The following PDE4D variants were observed in gnomAD, a reference collection of about 807,000 sequenced individuals.
PDE4D encodes the protein phosphodiesterase 4D, also known as 3',5'-cyclic-AMP phosphodiesterase 4D.
A neutral mutation model predicts 87.4 loss-of-function variants in PDE4D; 24 were observed. That is an observed-to-expected ratio of 0.27 (90% confidence interval 0.20 to 0.39). The LOEUF (loss-of-function observed/expected upper bound fraction) is 0.39, where lower values mean the gene tolerates loss of function less well. Among genes scored for constraint, PDE4D ranks in the 10% least tolerant of loss-of-function variants. PDE4D has a pLI of 1.00. For missense variants in PDE4D, 714 were observed against 1,041.0 expected (o/e 0.69, Z 4.32); for synonymous variants, 384 against 383.2 (o/e 1.00, Z -0.02).
chr5:59,026,532 A>T (rs1314938252), intron 6 of PDE4D, among the ~76,000 whole-genome samples: 1 of 151,504 alleles, frequency 6.6e-6, no homozygotes, highest in Non-Finnish European at 1.5e-5. Context: ...AAGGCACCAG[A>T]CACTCACTGG....
At chr5:59,505,372 T>A (rs188941666) in intron 1 of PDE4D, among the ~76,000 whole-genome samples, 189 of 152,318 alleles carry the variant, frequency 1.2e-3, no homozygotes, top group African/African-American at 4.2e-3. Context: ...ACCAGATTAC[T>A]CTTTTTATGC....
rs543007515 is a variant in PDE4D at position 59,157,880 on chromosome 5, TAA to T, written c.808+22713_808+22714del. On this transcript the variant is annotated intron_variant, in intron 5 of 14. Coordinates refer to ENST00000340635, the MANE Select transcript of PDE4D (RefSeq NM_001104631.2). ...ACAAAGAAAGGATGACCTCAGGATTTAAAGAGTTTAGGGACAGAAAAACATTT... is the reference window on the plus strand; with the variant it reads ...ACAAAGAAAGGATGACCTCAGGATTTAGAGTTTAGGGACAGAAAAACATTT... 4.1e-3 allele frequency among the ~76,000 whole-genome samples: 632 copies of T among 152,334 alleles called. 3 individuals carry two copies. The highest frequency in any genetic ancestry group is 6.5e-3 in the Non-Finnish European group (440 of 68,022).
At chr5:59,066,654 G>A (rs1376464815) in intron 5 of PDE4D, among the ~76,000 whole-genome samples, 1 of 152,102 alleles carries the variant, frequency 6.6e-6, no homozygotes, top group African/African-American at 2.4e-5. Flanking sequence ...GTGGCAAAAA[G>A]CAGATACTAT....
At position 60,421,582 on chromosome 5, in the gene PDE4D, G is replaced by A. The variant is rs116379757; in HGVS notation, c.-90+66360C>T. Among the ~76,000 whole-genome samples, 1,299 of 152,308 alleles carry A rather than the reference G, an allele frequency of 8.5e-3. 15 individuals are homozygous for A. The highest frequency in any genetic ancestry group is 0.029 in the African/African-American group (1,223 of 41,560). On this transcript the variant is annotated intron_variant, in intron 1 of 16. Coordinates refer to the PDE4D transcript ENST00000502484. ...AAAGGTTGATAAAACCAAAAAGATGGAGAGAAACCAGTGCAGAAAATTTAA... is the reference window on the plus strand; with the variant it reads ...AAAGGTTGATAAAACCAAAAAGATGAAGAGAAACCAGTGCAGAAAATTTAA...
intron 5 of PDE4D, among the ~76,000 whole-genome samples, chr5:59,137,583 G>C (rs1777271305): frequency 6.7e-6 from 1 of 150,352 alleles, no homozygotes; most frequent in South Asian, 2.1e-4. Flanking sequence ...CTGGAGTGCA[G>C]TGGCGAGATC....
chr5:59,815,028 T>C (rs771011035), intron 1 of PDE4D, among the ~76,000 whole-genome samples: 8 of 152,182 alleles, frequency 5.3e-5, no homozygotes, highest in Non-Finnish European at 1.2e-4. Flanking sequence ...GATTTTAGCA[T>C]AATAATGCTG....
intron 1 of PDE4D, among the ~76,000 whole-genome samples, chr5:59,306,593 T>C (rs1373133841): frequency 6.6e-6 from 1 of 152,176 alleles, no homozygotes; most frequent in Non-Finnish European, 1.5e-5. Context: ...AAATCATCAG[T>C]AAACTCCCAT....
At chr5:59,856,793 A>C (rs1011731969) in intron 1 of PDE4D, among the ~76,000 whole-genome samples, 17 of 152,178 alleles carry the variant, frequency 1.1e-4, no homozygotes. Flanking sequence ...ATTTCCAAGT[A>C]CTGAAATTGC....
At chr5:58,976,734 G>GGATAAGACATCATCACAAGTTTA (rs1743898779) in intron 12 of PDE4D, among the ~76,000 whole-genome samples, 1 of 152,118 alleles carries the variant, frequency 6.6e-6, no homozygotes, top group Admixed American at 6.5e-5. Context: ...ACATCTCCAT[G>GGATAAGACATCATCACAAGTTTA]GATAAGACAT....
intron 3 of PDE4D, among the ~76,000 whole-genome samples, chr5:59,939,024 T>C (rs1756903313): frequency 6.6e-6 from 1 of 152,214 alleles, no homozygotes; most frequent in South Asian, 2.1e-4. Flanking sequence ...GCTGGAATAT[T>C]TAATTGCCAG....
At chr5:59,721,690 C>T (rs1382133621) in intron 1 of PDE4D, among the ~76,000 whole-genome samples, 2 of 152,102 alleles carry the variant, frequency 1.3e-5, no homozygotes, top group South Asian at 2.1e-4. Flanking sequence ...AAGAAAGCAA[C>T]AATGAGATTA....
At chr5:59,015,977 G>A (rs1321427748) in intron 6 of PDE4D, among the ~76,000 whole-genome samples, 2 of 152,158 alleles carry the variant, frequency 1.3e-5, no homozygotes, top group Admixed American at 6.5e-5. Flanking sequence ...GTCCTTTGTA[G>A]GGACATGGAT....
intron 1 of PDE4D, among the ~76,000 whole-genome samples, chr5:59,603,376 C>T (rs1827776409): frequency 6.6e-6 from 1 of 151,786 alleles, no homozygotes; most frequent in Admixed American, 6.6e-5. Context: ...TACAAATGGC[C>T]AACAGACATA....
At chr5:59,911,536 C>G (rs1428430399) in intron 3 of PDE4D, among the ~76,000 whole-genome samples, 2 of 152,198 alleles carry the variant, frequency 1.3e-5, no homozygotes, top group East Asian at 3.8e-4. Context: ...TAATAAGACT[C>G]TGGTCTCCTG....
chr5:60,444,767 G>A (rs776504884), intron 1 of PDE4D, among the ~76,000 whole-genome samples: 3 of 151,918 alleles, frequency 2.0e-5, no homozygotes, highest in Non-Finnish European at 4.4e-5. Flanking sequence ...GGGCAGGCAG[G>A]TAAGAAAGAA....
upstream of PDE4D, among the ~76,000 whole-genome samples, chr5:59,894,013 C>G (rs1191880041): frequency 6.6e-6 from 1 of 152,066 alleles, no homozygotes; most frequent in African/African-American, 2.4e-5. Flanking sequence ...GAAGCAGCAG[C>G]AACGGCGGCG....
At chr5:60,201,691 A>T (rs1741930207) in intron 1 of PDE4D, among the ~76,000 whole-genome samples, 1 of 152,082 alleles carries the variant, frequency 6.6e-6, no homozygotes, top group Admixed American at 6.6e-5. Flanking sequence ...CTTGTCTCCC[A>T]TTGCTTGTGT....
chr5:60,293,505 C>T (rs1325809961), intron 1 of PDE4D, among the ~76,000 whole-genome samples: 2 of 152,120 alleles, frequency 1.3e-5, no homozygotes, highest in Admixed American at 1.3e-4. Context: ...CAGAGCGAGA[C>T]TCTGTCTCAA....
intron 1 of PDE4D, among the ~76,000 whole-genome samples, chr5:59,778,136 G>A (rs1440742022): frequency 6.6e-6 from 1 of 152,158 alleles, no homozygotes; most frequent in African/African-American, 2.4e-5. Context: ...TGTATCTGGG[G>A]ATACAAGATT....
Sources: allele counts gnomAD v4.1 joint callset (sites outside exome capture counted in the v4.1 genomes callset), GRCh38; gene constraint gnomAD v4.1.1; transcripts MANE v1.5; gene names NCBI Gene and HGNC (gene_info 2026-07-23, HGNC 2026-07-21).